Variants in A2ML1 observed in about 807,000 individuals in gnomAD.
The protein encoded by A2ML1 is alpha-2-macroglobulin like 1.
A2ML1 carries 161 observed loss-of-function variants against 181.9 expected under a neutral mutation model. The observed-to-expected ratio is 0.89, with a 90% CI of 0.78 to 1.01. The LOEUF is 1.01. Ranked by LOEUF, A2ML1 falls within the 50% of genes least tolerant of loss-of-function variation. The pLI is 0.00. For synonymous variants in A2ML1, 663 were observed against 666.8 expected (o/e 0.99, Z 0.09); for missense variants, 1,670 against 1,768.1 (o/e 0.94, Z 1.00).
Position 8,845,742 on chromosome 12 carries a change from C to T in A2ML1, c.1537+240C>T, listed in dbSNP as rs775824521. Reference sequence around the variant, plus strand: ...GCGGGCCCCTGTAGTCCCAGCTACTCGGGAGGCTGAGGCAGGAGAATGGCG... The same window carrying T: ...GCGGGCCCCTGTAGTCCCAGCTACTTGGGAGGCTGAGGCAGGAGAATGGCG... On this transcript the variant is annotated intron_variant, in intron 13 of 35. Transcript: ENST00000299698. 2.0e-5 allele frequency among the ~76,000 whole-genome samples: 3 copies of T among 151,580 alleles called. No homozygotes were observed. In the South Asian group the frequency reaches 6.3e-4, roughly 32 times the overall value.
Position 8,848,913 on chromosome 12 carries a change from G to A in A2ML1, c.2027G>A (p.Arg676Gln), listed in dbSNP as rs138301233. ...GGCACGGACCTTTTCAGCTTTTTCC[G>A]GGTAGGTCTTCTTACCCATTTTGTT... ...SEGTDLFSFF[R>Q]DVGLKILSNA... Residue 676 changes from arginine to glutamine, a missense_variant and splice_region_variant, in exon 16 of 36, where the codon CGG becomes CAG. Arg to Gln is a conservative substitution (Grantham distance 43). Transcript: ENST00000299698. The A allele has an allele frequency of 1.4e-4, 224 of 1,610,310 alleles. 1 individual carries two copies. The African/African-American group carries it at 2.4e-3, about 17-fold the overall frequency.
At chr12:8,872,980 G>A (rs940328874) in intron 33 of A2ML1, among the ~76,000 whole-genome samples, 1 of 151,608 alleles carries the variant, frequency 6.6e-6, no homozygotes, top group Non-Finnish European at 1.5e-5. Context: ...CTGTATACTT[G>A]TTTTGTTTTT....
At chr12:8,838,207 G>A (rs1243803335) in intron 8 of A2ML1, 129 bp from the exon 9 acceptor site, 4 of 588,358 alleles carry the variant, frequency 6.8e-6, no homozygotes, top group Non-Finnish European at 9.0e-6. Context: ...TGTTGTAGGA[G>A]AGTTTTTCTA....
At position 8,868,302 on chromosome 12, in the gene A2ML1, G is replaced by T. The variant is rs768096927; in HGVS notation, c.4006G>T (p.Ala1336Ser). Residue 1336 changes from alanine to serine, a missense_variant, in exon 31 of 36, where the codon GCT becomes TCT. Transcript: ENST00000299698. The part of the protein sequence containing the change: ...TFSLSVEIGK[A>S]RCEQPTSPRS... ...TAGTCTTAGTGTGGAAATAGGAAAA[G>T]CTAGATGTGAGCAACCGACTTCACC... 6.2e-7 allele frequency: 1 copy of T among 1,613,972 alleles called. No individual in the cohort carries two copies. Among genetic ancestry groups the T allele is most frequent in the African/African-American group, 1.3e-5 (1 of 75,030 alleles).
intron 3 of A2ML1, among the ~76,000 whole-genome samples, chr12:8,826,859 T>C (rs1489304225): frequency 6.6e-6 from 1 of 152,060 alleles, no homozygotes; most frequent in African/African-American, 2.4e-5. Context: ...CCTCAAGTTA[T>C]CCTCCCCACT....
At chr12:8,867,676 T>A (rs1565492294) in intron 29 of A2ML1, among the ~76,000 whole-genome samples, 166 bp from the exon 30 acceptor site, 1 of 151,756 alleles carries the variant, frequency 6.6e-6, no homozygotes, top group African/African-American at 2.4e-5. Flanking sequence ...CTACTGTGAT[T>A]TCTAGGCCAG....
At chr12:8,879,347 T>G (rs1380614920), downstream of A2ML1, among the ~76,000 whole-genome samples, 1 of 151,514 alleles carries the variant, frequency 6.6e-6, no homozygotes, top group Non-Finnish European at 1.5e-5. Flanking sequence ...CAAAATTAGC[T>G]GGGCGTGGTG....
At chr12:8,828,983 C>T (rs1475088374) in intron 3 of A2ML1, among the ~76,000 whole-genome samples, 1 of 152,180 alleles carries the variant, frequency 6.6e-6, no homozygotes, top group Non-Finnish European at 1.5e-5. Flanking sequence ...CCCTCAAGCT[C>T]ATCGATTCTG....
At chr12:8,861,385 A>G (rs1944258421) in intron 28 of A2ML1, 88 bp downstream of exon 28, 1 of 1,434,276 alleles carries the variant, frequency 7.0e-7, no homozygotes, top group African/African-American at 1.4e-5. Flanking sequence ...TGTCCCACAC[A>G]TGTACTCTAG....
At position 8,836,352 on chromosome 12, in the gene A2ML1, G is replaced by A. The variant is rs373095814; in HGVS notation, c.728+13G>A. 4.4e-5 allele frequency: 71 copies of A among 1,606,204 alleles called. 1 individual carries two copies. In the African/African-American group the frequency reaches 9.4e-4, roughly 21 times the overall value. ...AAATTTGTTGTAGGTAAGAGCAGAA[G>A]CTTGGGATCTGGTGGAGATTAAAGA... On this transcript the variant is annotated intron_variant, in intron 7 of 35. Transcript: ENST00000299698.
At position 8,845,540 on chromosome 12, in the gene A2ML1, T is replaced by C. The variant is rs963346532; in HGVS notation, c.1537+38T>C. The C allele has an allele frequency of 2.5e-6, 4 of 1,611,146 alleles. No individual in the cohort carries two copies. The African/African-American group carries it at 5.3e-5, about 22-fold the overall frequency. On this transcript the variant is annotated intron_variant, in intron 13 of 35. Transcript: ENST00000299698. ...GCTTTTCCCGGAAGCAAACAGGATA[T>C]TTTTAAATTCCAGAAAACAATTCTT...
At chr12:8,873,081 C>T (rs1944683201) in intron 33 of A2ML1, among the ~76,000 whole-genome samples, 1 of 152,002 alleles carries the variant, frequency 6.6e-6, no homozygotes, top group African/African-American at 2.4e-5. Flanking sequence ...TAATATCATT[C>T]TAAAAATAAT....
rs777231871 is a variant in A2ML1 at position 8,828,870 on chromosome 12, C to T, written c.410-857C>T. ...CCCCTGGCTAACGCTGGTCTAAATG[C>T]TCCCTCCATGGGCACTGGCTGAGTT... is the stretch of plus-strand genomic sequence containing the variant. On this transcript the variant is annotated intron_variant, in intron 3 of 35. Transcript: ENST00000299698. Among the ~76,000 whole-genome samples, 32 of 152,338 alleles carry T rather than the reference C, an allele frequency of 2.1e-4. No individual in the cohort carries two copies. In the South Asian group the frequency reaches 6.2e-3, roughly 30 times the overall value.
chr12:8,845,492 TAAG>T lies in A2ML1; in HGVS notation c.1533_1535del (p.Lys512del). On this transcript the variant is annotated inframe_deletion, in exon 13 of 36. Transcript: ENST00000299698. Reference sequence around the variant, plus strand: ...TGGAGGGGCAGAAACACCTGAACTCTAAGAAGAAAGGTGAGTGTACATGCTTTT... The same window carrying T: ...TGGAGGGGCAGAAACACCTGAACTCTAAGAAAGGTGAGTGTACATGCTTTT... 3 of 1,614,146 alleles carry T rather than the reference TAAG, an allele frequency of 1.9e-6. No homozygotes were observed. The highest frequency in any genetic ancestry group is 2.5e-6 in the Non-Finnish European group (3 of 1,180,006).
chr12:8,837,434 G>A lies in A2ML1; in HGVS notation c.729-6G>A. 5 of 1,613,456 alleles carry A rather than the reference G, an allele frequency of 3.1e-6. No individual in the cohort carries two copies. Among genetic ancestry groups the A allele is most frequent in the Non-Finnish European group, 4.2e-6 (5 of 1,179,624 alleles). ...AACTCTGACTCCTTATGCTTTTCTT[G>A]GTTAGGTACACCTATGGAAAGCCCA... On this transcript the variant is annotated splice_region_variant and splice_polypyrimidine_tract_variant and intron_variant, in intron 7 of 35. Coordinates refer to ENST00000299698, the MANE Select transcript of A2ML1 (RefSeq NM_144670.6).
intron 12 of A2ML1, chr12:8,844,956 G>A (rs1943616612): frequency 1.5e-6 from 2 of 1,325,816 alleles, no homozygotes; most frequent in African/African-American, 1.5e-5. Flanking sequence ...AAGTGAGAGT[G>A]GACGGGAAGG....
At position 8,851,839 on chromosome 12, in the gene A2ML1, A is replaced by G; in HGVS notation, c.2290A>G (p.Lys764Glu). 1 of 1,614,184 alleles carries G rather than the reference A, an allele frequency of 6.2e-7. No homozygotes were observed. The highest frequency in any genetic ancestry group is 8.5e-7 in the Non-Finnish European group (1 of 1,180,040). ...AGTTCCTGACGCCATCACCGAGTGG[A>G]AGGCGATGAGTTTCTGCACTTCCCA... is the stretch of plus-strand genomic sequence containing the variant. ...VTVPDAITEW[K>E]AMSFCTSQSR... is the part of the protein sequence containing the mutation. Residue 764 changes from lysine (K) to glutamate (E), a missense_variant, in exon 19 of 36, where the codon AAG becomes GAG. Lys to Glu is a moderately conservative substitution (Grantham distance 56, BLOSUM62 1). Transcript: ENST00000299698.
Position 8,857,243 on chromosome 12 carries a change from C to A in A2ML1, c.2928C>A (p.Val976=). 1 of 1,613,472 alleles carries A rather than the reference C, an allele frequency of 6.2e-7. No homozygotes were observed. Among genetic ancestry groups the A allele is most frequent in the East Asian group, 2.2e-5 (1 of 44,880 alleles). ...GTGGCTGTGGCGAGCAGAACATGGTCTTGTTTGCTCCCATCATCTATGTCT... is the reference window on the plus strand; with the variant it reads ...GTGGCTGTGGCGAGCAGAACATGGTATTGTTTGCTCCCATCATCTATGTCT... The part of the protein sequence containing the change: ...MPSGCGEQNM[V]LFAPIIYVLQ... The change falls in exon 24 of 36, where the codon GTC becomes GTA. Residue 976 remains valine, a synonymous_variant. Coordinates refer to ENST00000299698, the MANE Select transcript of A2ML1 (RefSeq NM_144670.6).
chr12:8,832,066 A>G (rs1347153678), intron 4 of A2ML1, among the ~76,000 whole-genome samples: 1 of 152,106 alleles, frequency 6.6e-6, no homozygotes, highest in Non-Finnish European at 1.5e-5. Flanking sequence ...TCGAGTTTTT[A>G]AAGATAATTT....
Sources: allele counts gnomAD v4.1 joint callset (sites outside exome capture counted in the v4.1 genomes callset), GRCh38; gene constraint gnomAD v4.1.1; transcripts MANE v1.5; gene names NCBI Gene and HGNC (gene_info 2026-07-23, HGNC 2026-07-21).